Variants in MYBL1 observed in about 807,000 individuals in gnomAD.
MYBL1 encodes the protein MYB proto-oncogene like 1, also known as myb-related protein A.
A neutral mutation model predicts 96.3 loss-of-function variants in MYBL1; 17 were observed. The ratio of observed to expected loss-of-function variants is 0.18; its 90% CI spans 0.12 to 0.26. The LOEUF (loss-of-function observed/expected upper bound fraction) is 0.26, where lower values mean the gene tolerates loss of function less well. MYBL1 is among the 10% of genes least tolerant of loss of function. MYBL1 has a pLI of 1.00. For synonymous variants in MYBL1, 282 were observed against 292.7 expected (o/e 0.96, Z 0.37); for missense variants, 701 against 882.9 (o/e 0.79, Z 2.61).
intron 1 of MYBL1, among the ~76,000 whole-genome samples, chr8:66,609,007 C>T (rs1019711623): frequency 1.3e-5 from 2 of 151,994 alleles, no homozygotes; most frequent in Non-Finnish European, 2.9e-5. Flanking sequence ...CAAATGGAAA[C>T]AGTTTCATAG....
intron 1 of MYBL1, 88 bp downstream of exon 1, chr8:66,612,731 C>T: frequency 7.7e-7 from 1 of 1,298,186 alleles, no homozygotes; most frequent in South Asian, 2.6e-5. Context: ...CCAGGGAGGG[C>T]CTTATGGCGG....
At position 66,566,579 on chromosome 8, in the gene MYBL1, C is replaced by T; in HGVS notation, c.1950+105G>A. 7.2e-6 allele frequency: 5 copies of T among 692,348 alleles called. No individual in the cohort carries two copies. In the South Asian group the frequency reaches 1.3e-4, roughly 18 times the overall value. 42.9% of individuals were successfully genotyped at this position (692,348 alleles called of 1,614,324 possible). On this transcript the variant is annotated intron_variant, in intron 14 of 15. Coordinates refer to ENST00000522677, the MANE Select transcript of MYBL1 (RefSeq NM_001080416.4). The stretch of plus-strand genomic sequence containing the variant: ...GCAAAATGATACTAAGATAAAAATT[C>T]TCCATGAATTTCTAATGAACTGGCT...
intron 8 of MYBL1, among the ~76,000 whole-genome samples, chr8:66,583,750 A>C (rs1809305830): frequency 6.6e-6 from 1 of 152,224 alleles, no homozygotes; most frequent in African/African-American, 2.4e-5. Flanking sequence ...ATAACCTATC[A>C]AGATTGAACC....
At chr8:66,602,589 C>T in intron 1 of MYBL1, 66 bp from the exon 2 acceptor site, 1 of 1,071,868 alleles carries the variant, frequency 9.3e-7, no homozygotes, top group Non-Finnish European at 1.4e-6. Flanking sequence ...AAACACTGAA[C>T]TTGTGTGTGC....
In MYBL1 at chr8:66,563,665, A is replaced by C. The variant is rs950504089; in HGVS notation, c.*1032T>G. 4 of 152,296 alleles carry C rather than the reference A, an allele frequency of 2.6e-5. No homozygotes were observed. The highest frequency in any genetic ancestry group is 9.7e-5 in the African/African-American group (4 of 41,446). 9.4% of individuals were successfully genotyped at this position (152,296 alleles called of 1,614,324 possible). On this transcript the variant is annotated 3_prime_UTR_variant, in exon 16 of 16. Transcript: ENST00000522677. ...AAAATTTCAAACACATATACAAATC[A>C]CCAGATTAATGTATATGACCACCCC...
intron 8 of MYBL1, among the ~76,000 whole-genome samples, chr8:66,584,180 C>G (rs1586573067): frequency 6.6e-6 from 1 of 152,222 alleles, no homozygotes; most frequent in East Asian, 1.9e-4. Context: ...AAATCAACAT[C>G]CCTTCACGAT....
intron 1 of MYBL1, among the ~76,000 whole-genome samples, chr8:66,611,870 T>G (rs566111177): frequency 1.3e-5 from 2 of 152,332 alleles, no homozygotes; most frequent in Non-Finnish European, 2.9e-5. Flanking sequence ...GTTAAGATTT[T>G]GGGGCTGTGG....
chr8:66,566,265 G>A, intron 14 of MYBL1, 22 bp from the exon 15 acceptor site: 1 of 1,383,018 alleles, frequency 7.2e-7, no homozygotes, highest in Non-Finnish European at 9.8e-7. Flanking sequence ...AAAAGAAAGA[G>A]GAAAATAACT....
intron 8 of MYBL1, among the ~76,000 whole-genome samples, chr8:66,583,473 C>T (rs1010081446): frequency 5.3e-5 from 8 of 151,494 alleles, no homozygotes; most frequent in African/African-American, 1.9e-4. Context: ...TAATAAAAAT[C>T]AAAGCAGAAA....
intron 8 of MYBL1, among the ~76,000 whole-genome samples, chr8:66,585,603 C>T (rs1563538814): frequency 1.3e-5 from 2 of 151,936 alleles, no homozygotes; most frequent in Non-Finnish European, 2.9e-5. Context: ...ATTAGCTGGG[C>T]GTGGTGGCAG....
intron 8 of MYBL1, among the ~76,000 whole-genome samples, chr8:66,587,859 C>T (rs1039413388): frequency 2.6e-5 from 4 of 152,060 alleles, no homozygotes; most frequent in African/African-American, 9.7e-5. Context: ...ATATGGTAGA[C>T]AGCACACTGG....
intron 1 of MYBL1, among the ~76,000 whole-genome samples, chr8:66,607,729 A>G (rs1054161294): frequency 2.0e-5 from 3 of 151,652 alleles, no homozygotes; most frequent in Non-Finnish European, 4.4e-5. Context: ...TCCAAGTGGT[A>G]GAATTTTAAG....
intron 1 of MYBL1, among the ~76,000 whole-genome samples, chr8:66,603,741 C>G (rs1056412583): frequency 6.6e-6 from 1 of 151,990 alleles, no homozygotes; most frequent in African/African-American, 2.4e-5. Context: ...CTCAAGTGAT[C>G]CTCCTGCCTC....
chr8:66,596,206 A>C (rs1809844196), intron 5 of MYBL1, among the ~76,000 whole-genome samples: 1 of 152,212 alleles, frequency 6.6e-6, no homozygotes, highest in Non-Finnish European at 1.5e-5. Flanking sequence ...AGAGCATTCC[A>C]GATAAAGAGT....
intron 6 of MYBL1, among the ~76,000 whole-genome samples, chr8:66,594,172 A>G (rs867571054): frequency 1.3e-5 from 2 of 152,000 alleles, no homozygotes; most frequent in South Asian, 4.1e-4. Flanking sequence ...CAAAAACCAT[A>G]AATATGAAAT....
intron 12 of MYBL1, among the ~76,000 whole-genome samples, chr8:66,572,175 C>T (rs1418325910): frequency 6.6e-6 from 1 of 151,780 alleles, no homozygotes; most frequent in Admixed American, 6.6e-5. Context: ...CAAAAATTAG[C>T]TGGGTGTGGT....
At chr8:66,588,048 A>C (rs1809489656) in intron 8 of MYBL1, among the ~76,000 whole-genome samples, 1 of 152,120 alleles carries the variant, frequency 6.6e-6, no homozygotes, top group African/African-American at 2.4e-5. Flanking sequence ...ATCTTATTTC[A>C]TTTCATTATT....
At chr8:66,571,922 A>C (rs1808746471) in intron 12 of MYBL1, among the ~76,000 whole-genome samples, 1 of 151,948 alleles carries the variant, frequency 6.6e-6, no homozygotes, top group African/African-American at 2.4e-5. Flanking sequence ...CTGACACCTG[A>C]TGTTTTCTCT....
chr8:66,598,957 C>A, intron 4 of MYBL1, 93 bp downstream of exon 4: 1 of 721,322 alleles, frequency 1.4e-6, no homozygotes. Flanking sequence ...ATCAAAGTGA[C>A]TTAAACATGT....
Sources: allele counts gnomAD v4.1 joint callset (sites outside exome capture counted in the v4.1 genomes callset), GRCh38; gene constraint gnomAD v4.1.1; transcripts MANE v1.5; gene names NCBI Gene and HGNC (gene_info 2026-07-23, HGNC 2026-07-21).